The following LAMC3 variants were observed in gnomAD, a reference collection of about 807,000 sequenced individuals.
LAMC3 encodes laminin subunit gamma-3.
Under a neutral mutation model 173.8 loss-of-function variants are expected in LAMC3, and 128 were observed. The ratio of observed to expected loss-of-function variants is 0.74; its 90% CI spans 0.64 to 0.85. LAMC3 has a LOEUF of 0.85. LAMC3 is among the 40% of genes least tolerant of loss of function. The pLI is 0.00. For missense variants in LAMC3, 2,022 were observed against 2,156.0 expected, an observed-to-expected ratio of 0.94 and a Z score of 1.23; for synonymous variants, 897 against 909.1, an observed-to-expected ratio of 0.99 and a Z score of 0.24.
chr9:131,038,769 C>A, intron 4 of LAMC3, 95 bp from the exon 5 acceptor site: 1 of 1,279,870 alleles, frequency 7.8e-7, no homozygotes. Context: ...CTTTGCACTG[C>A]CTGCTCATTT....
intron 13 of LAMC3, among the ~76,000 whole-genome samples, chr9:131,066,609 G>A (rs1423671642): frequency 2.6e-5 from 4 of 152,130 alleles, no homozygotes; most frequent in African/African-American, 9.7e-5. Flanking sequence ...TGATGAGGGT[G>A]TGAGGACAGA....
chr9:131,042,559 A>G (rs1834075177), intron 7 of LAMC3, among the ~76,000 whole-genome samples: 1 of 151,796 alleles, frequency 6.6e-6, no homozygotes, highest in South Asian at 2.1e-4. Flanking sequence ...CACTAATGGT[A>G]TAACCATGGC....
At chr9:131,025,484 G>C (rs1156926146) in intron 1 of LAMC3, among the ~76,000 whole-genome samples, 1 of 152,088 alleles carries the variant, frequency 6.6e-6, no homozygotes, top group Non-Finnish European at 1.5e-5. Flanking sequence ...GGGGGAGTGG[G>C]GCTAAAGCCC....
intron 8 of LAMC3, among the ~76,000 whole-genome samples, chr9:131,046,377 A>G (rs1588149574): frequency 6.7e-6 from 1 of 148,290 alleles, no homozygotes; most frequent in Non-Finnish European, 1.5e-5. Flanking sequence ...TAATTTTTAT[A>G]TTTTTTTCTA....
At chr9:131,035,705 C>T (rs183667423) in intron 3 of LAMC3, among the ~76,000 whole-genome samples, 1 of 152,292 alleles carries the variant, frequency 6.6e-6, no homozygotes, top group East Asian at 1.9e-4. Flanking sequence ...CCTGCCCTTT[C>T]GGACACAGTT....
chr9:131,049,024 C>A lies in LAMC3; in HGVS notation c.1524C>A (p.Ala508=). 1 of 1,547,696 alleles carries A rather than the reference C, an allele frequency of 6.5e-7. No individual in the cohort carries two copies. Among genetic ancestry groups the A allele is most frequent in the Non-Finnish European group, 8.7e-7 (1 of 1,143,952 alleles). ...HHILSDFHQG[A]EGWWARSVGG... ...GTGTCTGTGTTTGCTGTCTAGGAGC[C>A]GAAGGCTGGTGGGCCAGAAGTGTGG... is the stretch of plus-strand genomic sequence containing the variant. The change falls in exon 9 of 28, where the codon GCC becomes GCA. Residue 508 remains alanine, a synonymous_variant. Transcript: ENST00000361069.
intron 3 of LAMC3, 115 bp from the exon 4 acceptor site, chr9:131,036,050 CA>C: frequency 9.2e-7 from 1 of 1,082,114 alleles, no homozygotes; most frequent in Non-Finnish European, 1.4e-6. Context: ...CAGTGAGGGC[CA>C]AGATTGAGGG....
chr9:131,085,749 T>C, intron 25 of LAMC3, 26 bp downstream of exon 25: 3 of 1,610,670 alleles, frequency 1.9e-6, no homozygotes, highest in Admixed American at 1.7e-5. Flanking sequence ...GTGACAACAG[T>C]GGCCTCCTTC....
chr9:131,087,876 C>T, intron 27 of LAMC3, 59 bp downstream of exon 27: 1 of 1,340,464 alleles, frequency 7.5e-7, no homozygotes, highest in Non-Finnish European at 1.1e-6. Context: ...CCTCTAGGAT[C>T]TTCCTGTGAG....
rs1047157243 is a variant in LAMC3, at chr9:131,073,126, C to T, written c.3418-119C>T. The T allele has an allele frequency of 1.1e-5, 9 of 821,466 alleles. No individual in the cohort carries two copies. The African/African-American group carries it at 1.5e-4, about 14-fold the overall frequency. The allele number at this position is 821,466 out of a possible 1,614,324, so 50.9% of individuals were successfully genotyped here. A position where few individuals can be genotyped will look rare whatever the true frequency, so the allele number is the denominator to read the frequency against. ...CACTGAATGCCGATGTTGTGGCCAG[C>T]TTTGTGCATTTATAAAACGACGGGT... On this transcript the variant is annotated intron_variant, in intron 19 of 27. Coordinates refer to ENST00000361069, the MANE Select transcript of LAMC3 (RefSeq NM_006059.4).
At chr9:131,052,705 G>C in intron 10 of LAMC3, 22 bp downstream of exon 10, 1 of 1,602,482 alleles carries the variant, frequency 6.2e-7, no homozygotes, top group Non-Finnish European at 8.5e-7. Flanking sequence ...CTTCTGTCCT[G>C]AGAGATGGGG....
intron 18 of LAMC3, 150 bp downstream of exon 18, chr9:131,071,775 A>G (rs1830040353): frequency 1.4e-6 from 1 of 731,500 alleles, no homozygotes; most frequent in Admixed American, 3.0e-5. Context: ...AACTTTATTA[A>G]TATCAGTCCT....
intron 22 of LAMC3, among the ~76,000 whole-genome samples, 199 bp downstream of exon 22, chr9:131,077,533 C>T (rs994030037): frequency 1.3e-5 from 2 of 151,602 alleles, no homozygotes; most frequent in Non-Finnish European, 2.9e-5. Flanking sequence ...AAAAATTAGC[C>T]AGGTGTGGTG....
In LAMC3 at chr9:131,026,641, C is replaced by T. The variant is rs570286949; in HGVS notation, c.678+52C>T. 60 of 1,501,358 alleles carry T rather than the reference C, an allele frequency of 4.0e-5. No homozygotes were observed. The Middle Eastern group carries it at 7.0e-4, about 18-fold the overall frequency. 93.0% of individuals were successfully genotyped at this position (1,501,358 alleles called of 1,614,324 possible). ...TTGGGACGGGGTTGGGACTGGGTCA[C>T]GGCAGTAGGAGGGTCTGATGTGCCA... On this transcript the variant is annotated intron_variant, in intron 2 of 27. Transcript: ENST00000361069. The surrounding 1 kb of genome is among the most constrained non-coding windows in gnomAD (Gnocchi z 4.8).
intron 9 of LAMC3, among the ~76,000 whole-genome samples, chr9:131,051,017 T>C (rs1834274506): frequency 6.6e-6 from 1 of 152,190 alleles, no homozygotes; most frequent in Non-Finnish European, 1.5e-5. Context: ...GGCTCCCCGC[T>C]TCAGGCCGCT....
chr9:131,064,676 A>AAG (rs1554788848), intron 13 of LAMC3, among the ~76,000 whole-genome samples: 18,387 of 146,404 alleles, frequency 0.13, 1,312 homozygotes, highest in South Asian at 0.17. Flanking sequence ...AAAAAAAAAA[A>AAG]AAAAGAAATG....
chr9:131,032,545 TTG>T (rs1491452852), intron 3 of LAMC3, among the ~76,000 whole-genome samples: 1 of 124,996 alleles, frequency 8.0e-6, no homozygotes, highest in African/African-American at 5.1e-5. Flanking sequence ...TCTCTCTCTC[TTG>T]CTCTCTCTCG....
chr9:131,076,993 C>T (rs1423387116), intron 21 of LAMC3, among the ~76,000 whole-genome samples, 194 bp from the exon 22 acceptor site: 1 of 152,254 alleles, frequency 6.6e-6, no homozygotes, highest in South Asian at 2.1e-4. Flanking sequence ...GGCCCTTTCA[C>T]AGCCCGTCTG....
Position 131,045,673 on chromosome 9 carries a change from C to G in LAMC3, c.1519+13C>G. On this transcript the variant is annotated intron_variant, in intron 8 of 27. Coordinates refer to ENST00000361069, the MANE Select transcript of LAMC3 (RefSeq NM_006059.4). ...GATTTCCACCAGGGTAAGAGATGCT[C>G]CCTGCAAACGCCTCCCAAGGGTCTG... The G allele has an allele frequency of 1.9e-6, 3 of 1,613,972 alleles. No individual in the cohort carries two copies. In the South Asian group the frequency reaches 3.3e-5, roughly 18 times the overall value.
Sources: allele counts gnomAD v4.1 joint callset (sites outside exome capture counted in the v4.1 genomes callset), GRCh38; gene constraint gnomAD v4.1.1; non-coding constraint Gnocchi (gnomAD v3.1); transcripts MANE v1.5; gene names NCBI Gene and HGNC (gene_info 2026-07-23, HGNC 2026-07-21).